Variants in PARD3B observed in about 807,000 individuals in gnomAD.
The protein encoded by PARD3B is par-3 family cell polarity regulator beta.
In PARD3B, 103 loss-of-function variants were observed where a neutral mutation model predicts 130.2. That is an observed-to-expected ratio of 0.79 (90% CI 0.67 to 0.93). The LOEUF is 0.93. PARD3B is among the 40% of genes least tolerant of loss of function. The probability of loss-of-function intolerance (pLI) is 0.00; values close to 1 mark genes in which losing one functional copy is unlikely to be tolerated. For synonymous variants in PARD3B, 583 were observed against 553.2 expected, an observed-to-expected ratio of 1.05 and a Z score of -0.76; for missense variants, 1,609 against 1,499.2, an observed-to-expected ratio of 1.07 and a Z score of -1.21.
intron 5 of PARD3B, among the ~76,000 whole-genome samples, chr2:205,111,940 G>C (rs138892068): frequency 6.6e-6 from 1 of 151,992 alleles, no homozygotes; most frequent in Non-Finnish European, 1.5e-5. Context: ...TATATAAAAC[G>C]TATTGCTTTT....
intron 2 of PARD3B, among the ~76,000 whole-genome samples, chr2:204,688,926 G>A (rs973900679): frequency 2.0e-5 from 3 of 152,118 alleles, no homozygotes; most frequent in Non-Finnish European, 4.4e-5. Flanking sequence ...TAATCATTGT[G>A]CTAACCCCAA....
rs2125808882 is a variant in PARD3B at position 204,943,952 on chromosome 2, G to A, written c.223-21200G>A. Among the ~76,000 whole-genome samples the A allele has an allele frequency of 6.6e-6, 1 of 151,942 alleles. No homozygotes were observed. The highest frequency in any genetic ancestry group is 2.1e-4 in the South Asian group (1 of 4,788). On this transcript the variant is annotated intron_variant, in intron 2 of 22. Transcript: ENST00000406610. The surrounding 1 kb of genome is among the most constrained non-coding windows in gnomAD (Gnocchi z 4.2). ...AATAAGTTAGTAAAAGTAGAAAAGG[G>A]GACTAAACATTCAAAATTACATCAC...
At chr2:204,694,161 T>C (rs1227537458) in intron 2 of PARD3B, among the ~76,000 whole-genome samples, 1 of 152,056 alleles carries the variant, frequency 6.6e-6, no homozygotes, top group African/African-American at 2.4e-5. Context: ...AAAAAATGTA[T>C]CTATTCCTGC....
chr2:204,775,052 A>G (rs1206199599), intron 2 of PARD3B, among the ~76,000 whole-genome samples: 1 of 152,126 alleles, frequency 6.6e-6, no homozygotes, highest in East Asian at 1.9e-4. Context: ...TCTAACACAA[A>G]TAGCTATTAC....
At chr2:205,381,690 C>T (rs370045306) in intron 18 of PARD3B, among the ~76,000 whole-genome samples, 20 of 151,948 alleles carry the variant, frequency 1.3e-4, no homozygotes, top group South Asian at 6.2e-4. Flanking sequence ...CCAATAAAAG[C>T]GAACGGAGAG....
intron 15 of PARD3B, among the ~76,000 whole-genome samples, chr2:205,233,970 A>T (rs1458567412): frequency 2.0e-5 from 3 of 152,230 alleles, no homozygotes; most frequent in African/African-American, 7.2e-5. Flanking sequence ...TACTATTGTA[A>T]GATATACATA....
At chr2:204,971,080 C>T (rs77276486) in intron 3 of PARD3B, among the ~76,000 whole-genome samples, 5,034 of 152,238 alleles carry the variant, frequency 0.033, 107 homozygotes, top group Middle Eastern at 0.065. Flanking sequence ...CTATAGATTC[C>T]TGTTGAAAAT....
intron 22 of PARD3B, among the ~76,000 whole-genome samples, chr2:205,566,358 A>T (rs1349261204): frequency 6.6e-6 from 1 of 152,174 alleles, no homozygotes; most frequent in African/African-American, 2.4e-5. Flanking sequence ...CCAGGGACAG[A>T]TGTTGATAGT....
At chr2:204,807,540 A>G (rs1028980081) in intron 2 of PARD3B, among the ~76,000 whole-genome samples, 2 of 152,100 alleles carry the variant, frequency 1.3e-5, no homozygotes, top group African/African-American at 4.8e-5. Flanking sequence ...AAATGTCTGC[A>G]CTCTCATGTT....
chr2:205,555,481 G>T (rs76171922), intron 22 of PARD3B, among the ~76,000 whole-genome samples: 1 of 152,086 alleles, frequency 6.6e-6, no homozygotes, highest in African/African-American at 2.4e-5. Context: ...GCTAATCCCC[G>T]AAATACTCAC....
rs2054145939 is a variant in PARD3B at position 205,585,059 on chromosome 2, G to A, written c.3261-30397G>A. 6.6e-6 allele frequency among the ~76,000 whole-genome samples: 1 copy of A among 152,130 alleles called. No homozygotes were observed. Among genetic ancestry groups the A allele is most frequent in the Admixed American group, 6.5e-5 (1 of 15,284 alleles). On this transcript the variant is annotated intron_variant, in intron 22 of 22. Coordinates refer to ENST00000406610, the MANE Select transcript of PARD3B (RefSeq NM_001302769.2). This position sits in a 1 kb window ranked among gnomAD's most constrained non-coding sequence, Gnocchi z 5.4. ...CACCCGCTGATTATGGGCAGAAAATGGCACCAACCAAAATGGAGGCCTGGA... is the reference window on the plus strand; with the variant it reads ...CACCCGCTGATTATGGGCAGAAAATAGCACCAACCAAAATGGAGGCCTGGA...
chr2:205,130,944 G>A (rs572413437), intron 10 of PARD3B, among the ~76,000 whole-genome samples: 10 of 152,230 alleles, frequency 6.6e-5, no homozygotes, highest in Admixed American at 5.9e-4. Flanking sequence ...GTCCAACACT[G>A]TCATGGTTAC....
At position 204,850,980 on chromosome 2, in the gene PARD3B, G is replaced by A. The variant is rs184762323; in HGVS notation, c.223-114172G>A. 1.4e-3 allele frequency among the ~76,000 whole-genome samples: 214 copies of A among 152,244 alleles called. 1 individual carries two copies. The highest frequency in any genetic ancestry group is 4.9e-3 in the African/African-American group (205 of 41,544). ...TGTAGAAGTACAGTCTTTTGTAGAA[G>A]GCTTGCATTTGGTTTATAGATTGTA... On this transcript the variant is annotated intron_variant, in intron 2 of 22. Transcript: ENST00000406610.
chr2:205,482,307 G>T (rs555361204), intron 20 of PARD3B, among the ~76,000 whole-genome samples: 2 of 152,130 alleles, frequency 1.3e-5, no homozygotes, highest in Non-Finnish European at 2.9e-5. Context: ...TTGCCACAAG[G>T]GTTGCTCTGC....
At chr2:204,785,313 C>T (rs1421022241) in intron 2 of PARD3B, among the ~76,000 whole-genome samples, 1 of 152,122 alleles carries the variant, frequency 6.6e-6, no homozygotes, top group Non-Finnish European at 1.5e-5. Context: ...CCCGTGTAAT[C>T]TGGCACCTCT....
intron 3 of PARD3B, among the ~76,000 whole-genome samples, chr2:204,973,905 T>C (rs2125185458): frequency 6.6e-6 from 1 of 152,312 alleles, no homozygotes. Flanking sequence ...CATCTCTATT[T>C]TGCTTACCCC....
intron 2 of PARD3B, among the ~76,000 whole-genome samples, chr2:204,919,802 G>A (rs1024526148): frequency 1.3e-5 from 2 of 151,986 alleles, no homozygotes; most frequent in Admixed American, 6.6e-5. Context: ...CAAGCCATAC[G>A]TTGTAGCTTA....
Position 205,281,844 on chromosome 2 carries a change from T to C in PARD3B, c.2186-18686T>C, listed in dbSNP as rs570744687. Reference sequence around the variant, plus strand: ...GAAATTTTATACATGAGTTTACCCCTGAAATGGATGAGTAGATGAGAATGC... The same window carrying C: ...GAAATTTTATACATGAGTTTACCCCCGAAATGGATGAGTAGATGAGAATGC... On this transcript the variant is annotated intron_variant, in intron 16 of 22. Transcript: ENST00000406610. This position sits in a 1 kb window ranked among gnomAD's most constrained non-coding sequence, Gnocchi z 4.2. 6.6e-6 allele frequency among the ~76,000 whole-genome samples: 1 copy of C among 152,288 alleles called. No homozygotes were observed. The highest frequency in any genetic ancestry group is 2.1e-4 in the South Asian group (1 of 4,824).
intron 1 of PARD3B, among the ~76,000 whole-genome samples, chr2:204,662,157 A>C (rs2035838295): frequency 6.6e-6 from 1 of 152,204 alleles, no homozygotes; most frequent in Admixed American, 6.5e-5. Context: ...TCCCTTGGAA[A>C]ATATTCATAG....
Sources: gnomAD v4.1 joint callset for allele counts (sites outside exome capture counted in the v4.1 genomes callset) on GRCh38, gnomAD v4.1.1 for gene constraint, Gnocchi (gnomAD v3.1) non-coding constraint, MANE v1.5 for transcripts, NCBI Gene and HGNC (gene_info 2026-07-23, HGNC 2026-07-21) for gene names.